HDAC4: variants seen among roughly 807,000 people sequenced by gnomAD.
HDAC4 encodes histone deacetylase 4.
HDAC4 carries 16 observed loss-of-function variants against 135.1 expected under a neutral mutation model. The observed-to-expected ratio is 0.12, with a 90% CI of 0.08 to 0.18. The LOEUF (loss-of-function observed/expected upper bound fraction) is 0.18. Among genes scored for constraint, HDAC4 ranks in the 10% least tolerant of loss-of-function variants. HDAC4 has a pLI of 1.00. For missense variants in HDAC4, 1,143 were observed against 1,511.8 expected, an observed-to-expected ratio of 0.76 and a Z score of 4.05; for synonymous variants, 685 against 653.4, an observed-to-expected ratio of 1.05 and a Z score of -0.74.
intron 22 of HDAC4, among the ~76,000 whole-genome samples, chr2:239,078,087 G>A (rs560928603): frequency 4.0e-4 from 61 of 152,236 alleles, no homozygotes; most frequent in East Asian, 1.9e-4. Context: ...CCATGTCCCC[G>A]CGCACAGGTG....
At chr2:239,160,789 G>A (rs1301878540) in intron 6 of HDAC4, among the ~76,000 whole-genome samples, 3 of 152,250 alleles carry the variant, frequency 2.0e-5, no homozygotes, top group African/African-American at 7.2e-5. Flanking sequence ...ATGACGACTC[G>A]TCGTGTTGCT....
chr2:239,344,386 A>G (rs1692485853), intron 2 of HDAC4, among the ~76,000 whole-genome samples: 1 of 152,246 alleles, frequency 6.6e-6, no homozygotes, highest in Non-Finnish European at 1.5e-5. Flanking sequence ...AAAAAGGGAC[A>G]CAAATGCAAA....
Position 239,052,971 on chromosome 2 carries a change from C to T in HDAC4, c.*126G>A, listed in dbSNP as rs775314856. 40 of 1,151,336 alleles carry T rather than the reference C, an allele frequency of 3.5e-5. No individual in the cohort carries two copies. Among genetic ancestry groups the T allele is most frequent in the East Asian group, 4.7e-5 (2 of 42,672 alleles). The allele number at this position is 1,151,336 out of a possible 1,614,324, so 71.3% of individuals were successfully genotyped here. On this transcript the variant is annotated 3_prime_UTR_variant, in exon 27 of 27. Coordinates refer to ENST00000543185, the MANE Select transcript of HDAC4 (RefSeq NM_001378414.1). ...AGAAAGGCTTCCCGTGGCTGTTGCACGCTGGGTGTCCCTGGGTGCTCCAAG... is the reference window on the plus strand; with the variant it reads ...AGAAAGGCTTCCCGTGGCTGTTGCATGCTGGGTGTCCCTGGGTGCTCCAAG...
chr2:239,248,911 A>G (rs1221445154), intron 2 of HDAC4, among the ~76,000 whole-genome samples: 2 of 152,232 alleles, frequency 1.3e-5, no homozygotes, highest in Non-Finnish European at 2.9e-5. Flanking sequence ...ACTAGCGATT[A>G]AGTGATGGCC....
chr2:239,278,011 C>CACACTCCAGCCACACACCCCAGCCAG (rs1360163730), intron 2 of HDAC4, among the ~76,000 whole-genome samples: 2 of 149,918 alleles, frequency 1.3e-5, no homozygotes, highest in African/African-American at 2.5e-5. Flanking sequence ...ACCCCAGCCA[C>CACACTCCAGCCACACACCCCAGCCAG]ACACCCTAGC....
chr2:239,274,035 A>G (rs545732893), intron 2 of HDAC4, among the ~76,000 whole-genome samples: 17 of 152,340 alleles, frequency 1.1e-4, no homozygotes, highest in East Asian at 1.9e-4. Context: ...CTGCTTTGGA[A>G]CAATACAGTG....
intron 2 of HDAC4, among the ~76,000 whole-genome samples, chr2:239,342,524 A>T (rs1692355050): frequency 6.6e-6 from 1 of 152,198 alleles, no homozygotes; most frequent in Admixed American, 6.5e-5. Context: ...AAAAACAAAT[A>T]CGTTACAATA....
At chr2:239,184,584 C>T (rs1247133293) in intron 4 of HDAC4, among the ~76,000 whole-genome samples, 8 of 36,914 alleles carry the variant, frequency 2.2e-4, no homozygotes, top group Admixed American at 1.7e-3. Context: ...TGTGCCCTAT[C>T]GGGGGGGGTC....
At chr2:239,075,673 C>T (rs1213981095) in intron 22 of HDAC4, among the ~76,000 whole-genome samples, 2 of 152,232 alleles carry the variant, frequency 1.3e-5, no homozygotes, top group African/African-American at 2.4e-5. Flanking sequence ...GGGTGCCACG[C>T]ATCCCCTTCC....
At chr2:239,350,596 C>G (rs1424619929) in intron 2 of HDAC4, among the ~76,000 whole-genome samples, 1 of 152,086 alleles carries the variant, frequency 6.6e-6, no homozygotes, top group African/African-American at 2.4e-5. Flanking sequence ...CTCTGCCTCC[C>G]AGGTTCAAGC....
In HDAC4 at chr2:239,054,812, C is replaced by G; in HGVS notation, c.3025G>C (p.Val1009Leu). ...GNELDPLPEK[V>L]LQQRPNANAV... Reference sequence around the variant, plus strand: ...TTTGCATTGGGTCTTTGCTGTAAAACCTTTTCTGGGAGAGGATCAAGCTGG... The same window carrying G: ...TTTGCATTGGGTCTTTGCTGTAAAAGCTTTTCTGGGAGAGGATCAAGCTGG... Residue 1009 changes from valine (V) to leucine (L), a missense_variant, in exon 25 of 27, where the codon GTT becomes CTT. Transcript: ENST00000543185. 1.2e-6 allele frequency: 2 copies of G among 1,612,484 alleles called. No individual in the cohort carries two copies. The highest frequency in any genetic ancestry group is 2.7e-5 in the African/African-American group (2 of 74,980).
intron 2 of HDAC4, among the ~76,000 whole-genome samples, chr2:239,289,431 C>T (rs1400609465): frequency 6.6e-6 from 1 of 152,196 alleles, no homozygotes; most frequent in Non-Finnish European, 1.5e-5. Context: ...TCTTATGTTA[C>T]AATATGTGTG....
chr2:239,329,234 A>G (rs1263087909), intron 2 of HDAC4, among the ~76,000 whole-genome samples: 1 of 151,492 alleles, frequency 6.6e-6, no homozygotes, highest in Non-Finnish European at 1.5e-5. Flanking sequence ...GGACCCCACC[A>G]GCTGTGCAGA....
intron 1 of HDAC4, among the ~76,000 whole-genome samples, chr2:239,392,083 G>A (rs1696259133): frequency 6.6e-6 from 1 of 152,194 alleles, no homozygotes; most frequent in Non-Finnish European, 1.5e-5. Flanking sequence ...ATCCTGCCCG[G>A]GCCACCATGC....
intron 24 of HDAC4, 44 bp downstream of exon 24, chr2:239,066,678 C>T (rs779716520): frequency 2.5e-6 from 4 of 1,612,508 alleles, no homozygotes; most frequent in Non-Finnish European, 3.4e-6. Context: ...AACCCCGAGC[C>T]TGTCAGTGTG....
chr2:239,112,338 C>T (rs956568780), intron 13 of HDAC4, among the ~76,000 whole-genome samples: 3 of 152,314 alleles, frequency 2.0e-5, no homozygotes, highest in Admixed American at 6.5e-5. Context: ...CAAACTTGGG[C>T]GAGAAAGCAC....
intron 2 of HDAC4, among the ~76,000 whole-genome samples, chr2:239,336,152 C>T (rs1055156952): frequency 5.9e-5 from 9 of 152,068 alleles, no homozygotes; most frequent in East Asian, 1.9e-4. Flanking sequence ...ATTTATATGA[C>T]GTTCAAAACC....
At chr2:239,310,302 C>T (rs1416409832) in intron 2 of HDAC4, among the ~76,000 whole-genome samples, 2 of 152,224 alleles carry the variant, frequency 1.3e-5, no homozygotes, top group Admixed American at 1.3e-4. Context: ...AAACCCCAGG[C>T]GTCCCTCAAG....
At chr2:239,362,210 G>C (rs1693911847) in intron 1 of HDAC4, among the ~76,000 whole-genome samples, 2 of 152,122 alleles carry the variant, frequency 1.3e-5, no homozygotes, top group Non-Finnish European at 2.9e-5. Flanking sequence ...TCTGACACTG[G>C]GCATCTGTTT....
Sources: allele counts gnomAD v4.1 joint callset (sites outside exome capture counted in the v4.1 genomes callset), GRCh38; gene constraint gnomAD v4.1.1; transcripts MANE v1.5; gene names NCBI Gene and HGNC (gene_info 2026-07-23, HGNC 2026-07-21).